Variants in SPEF2 observed in about 807,000 individuals in gnomAD.
The protein encoded by SPEF2 is sperm flagella and cilia-associated protein 2.
Under a neutral mutation model 224.6 loss-of-function variants are expected in SPEF2, and 187 were observed. The observed-to-expected ratio is 0.83, with a 90% CI of 0.74 to 0.94. The LOEUF (loss-of-function observed/expected upper bound fraction) is 0.94, where lower values mean the gene tolerates loss of function less well. Among genes scored for constraint, SPEF2 ranks in the 40% least tolerant of loss-of-function variants. SPEF2 has a pLI of 0.00. For missense variants in SPEF2, 2,170 were observed against 2,135.6 expected (o/e 1.02, Z -0.32); for synonymous variants, 715 against 707.3 (o/e 1.01, Z -0.17).
chr5:35,680,474 C>G (rs564202469), intron 10 of SPEF2, among the ~76,000 whole-genome samples: 1 of 152,214 alleles, frequency 6.6e-6, no homozygotes, highest in South Asian at 2.1e-4. Flanking sequence ...CTCATTTATT[C>G]CGTTCACATA....
At chr5:35,764,060 C>T (rs1022373929) in intron 26 of SPEF2, among the ~76,000 whole-genome samples, 3 of 152,100 alleles carry the variant, frequency 2.0e-5, no homozygotes, top group African/African-American at 7.2e-5. Flanking sequence ...ATGCAATTGC[C>T]ATTTAAAAAT....
intron 4 of SPEF2, 87 bp downstream of exon 4, chr5:35,644,612 T>G: frequency 9.6e-7 from 1 of 1,043,186 alleles, no homozygotes; most frequent in Non-Finnish European, 1.3e-6. Flanking sequence ...GCATAAGTAG[T>G]AGTGGAGCAC....
intron 1 of SPEF2, among the ~76,000 whole-genome samples, chr5:35,621,546 C>T (rs1258392012): frequency 6.6e-6 from 1 of 152,094 alleles, no homozygotes; most frequent in East Asian, 1.9e-4. Flanking sequence ...CACTTGAGCT[C>T]TTTTTATAAG....
chr5:35,749,705 G>T (rs575684569), intron 23 of SPEF2, among the ~76,000 whole-genome samples: 2 of 152,038 alleles, frequency 1.3e-5, no homozygotes, highest in South Asian at 4.2e-4. Context: ...AATCATAAAT[G>T]ACATAAACAG....
chr5:35,806,190 G>C (rs747248080), intron 34 of SPEF2, among the ~76,000 whole-genome samples: 2 of 152,116 alleles, frequency 1.3e-5, no homozygotes, highest in Non-Finnish European at 2.9e-5. Context: ...AAATTTCAAA[G>C]AGCAGCAGTA....
chr5:35,659,914 A>T (rs1330376047), intron 8 of SPEF2, among the ~76,000 whole-genome samples: 1 of 151,516 alleles, frequency 6.6e-6, no homozygotes, highest in African/African-American at 2.4e-5. Flanking sequence ...AAAAAAAGAG[A>T]TTCCTCAGGC....
chr5:35,789,681 T>C (rs1755682671), intron 30 of SPEF2: 2 of 638,322 alleles, frequency 3.1e-6, no homozygotes. Flanking sequence ...AAGTTTTAAA[T>C]TGTGGCCCAC....
intron 21 of SPEF2, among the ~76,000 whole-genome samples, chr5:35,729,859 C>T (rs917605846): frequency 1.3e-5 from 2 of 152,138 alleles, no homozygotes; most frequent in Admixed American, 6.5e-5. Flanking sequence ...GCTTCTTCCT[C>T]ATTTTCTCTT....
chr5:35,700,462 C>T, intron 15 of SPEF2, 34 bp from the exon 16 acceptor site: 1 of 1,576,468 alleles, frequency 6.3e-7, no homozygotes, highest in Non-Finnish European at 8.6e-7. Context: ...TTGTGTCTAA[C>T]AAAATATTCA....
intron 2 of SPEF2, among the ~76,000 whole-genome samples, chr5:35,632,703 A>G (rs1383572769): frequency 6.6e-6 from 1 of 152,086 alleles, no homozygotes; most frequent in African/African-American, 2.4e-5. Context: ...ATGGCTATAA[A>G]TTTCCCTCTA....
chr5:35,774,128 A>C (rs1415921173), intron 28 of SPEF2, 107 bp downstream of exon 28: 1 of 1,420,500 alleles, frequency 7.0e-7, no homozygotes, highest in East Asian at 2.3e-5. Flanking sequence ...CTATGAGAAC[A>C]TACAGCAAAG....
intron 21 of SPEF2, among the ~76,000 whole-genome samples, chr5:35,730,692 A>T (rs1191847424): frequency 6.6e-6 from 1 of 152,254 alleles, no homozygotes; most frequent in Non-Finnish European, 1.5e-5. Flanking sequence ...GAAATGATCA[A>T]TCATTTAGGA....
chr5:35,698,035 C>A, intron 15 of SPEF2: 1 of 285,410 alleles, frequency 3.5e-6, no homozygotes, highest in Non-Finnish European at 6.5e-6. Context: ...GGTTCTATTA[C>A]CTGTGGGGAA....
chr5:35,774,040 A>G lies in SPEF2; in HGVS notation c.4078+19A>G. ...TTTGAAGGTAGCGATTGAAACGACT[A>G]AGATGATGCTTTTCAGTAGAAAGGA... On this transcript the variant is annotated intron_variant, in intron 28 of 36. Transcript: ENST00000356031. The G allele has an allele frequency of 6.2e-7, 1 of 1,608,360 alleles. No homozygotes were observed. Among genetic ancestry groups the G allele is most frequent in the East Asian group, 2.2e-5 (1 of 44,798 alleles).
At chr5:35,763,962 A>G (rs1751717993) in intron 26 of SPEF2, among the ~76,000 whole-genome samples, 1 of 152,200 alleles carries the variant, frequency 6.6e-6, no homozygotes, top group African/African-American at 2.4e-5. Flanking sequence ...GCAGTCAGGA[A>G]ATGTTAATGA....
chr5:35,629,247 G>A (rs548593545), intron 2 of SPEF2, among the ~76,000 whole-genome samples: 15 of 127,428 alleles, frequency 1.2e-4, no homozygotes, highest in Middle Eastern at 5.1e-3. Context: ...TCCGCCTCCC[G>A]CATTCACACC....
chr5:35,774,034 AC>A lies in SPEF2; in HGVS notation c.4078+14del. ...TTGCAATTTGAAGGTAGCGATTGAA[AC>A]GACTAAGATGATGCTTTTCAGTAGA... On this transcript the variant is annotated intron_variant, in intron 28 of 36. Transcript: ENST00000356031. The A allele has an allele frequency of 6.2e-7, 1 of 1,610,030 alleles. No homozygotes were observed. Among genetic ancestry groups the A allele is most frequent in the South Asian group, 1.1e-5 (1 of 90,612 alleles).
At chr5:35,631,703 A>G (rs1307782713) in intron 2 of SPEF2, among the ~76,000 whole-genome samples, 1 of 152,220 alleles carries the variant, frequency 6.6e-6, no homozygotes, top group African/African-American at 2.4e-5. Flanking sequence ...CAACTCAGAT[A>G]TAGTTGGCCC....
chr5:35,728,100 G>T (rs1205649256), intron 21 of SPEF2, among the ~76,000 whole-genome samples: 1 of 152,138 alleles, frequency 6.6e-6, no homozygotes, highest in Non-Finnish European at 1.5e-5. Flanking sequence ...ACACAGAGAT[G>T]CAGATTCCTG....
Sources: gnomAD v4.1 joint callset for allele counts (sites outside exome capture counted in the v4.1 genomes callset) on GRCh38, gnomAD v4.1.1 for gene constraint, MANE v1.5 for transcripts, NCBI Gene and HGNC (gene_info 2026-07-23, HGNC 2026-07-21) for gene names.